The following NALF1 variants were observed in gnomAD, a reference collection of about 807,000 sequenced individuals.
NALF1 encodes NALCN channel auxiliary factor 1.
A neutral mutation model predicts 48.4 loss-of-function variants in NALF1; 3 were observed. The observed-to-expected ratio is 0.06, with a 90% confidence interval of 0.03 to 0.16. The LOEUF is 0.16. Ranked by LOEUF, NALF1 falls within the 10% of genes least tolerant of loss-of-function variation. The pLI is 1.00. For synonymous variants in NALF1, 262 were observed against 245.7 expected, an observed-to-expected ratio of 1.07 and a Z score of -0.62; for missense variants, 526 against 571.5, an observed-to-expected ratio of 0.92 and a Z score of 0.81.
At chr13:107,412,925 G>C (rs746206594) in intron 1 of NALF1, among the ~76,000 whole-genome samples, 1 of 152,144 alleles carries the variant, frequency 6.6e-6, no homozygotes, top group Non-Finnish European at 1.5e-5. Context: ...TGGAGGTAGA[G>C]TATTGCCTTG....
chr13:107,341,461 T>C (rs1049824609), intron 1 of NALF1, among the ~76,000 whole-genome samples: 7 of 152,096 alleles, frequency 4.6e-5, no homozygotes, highest in Non-Finnish European at 7.4e-5. Context: ...GGATTCCTAC[T>C]ATGCTACTTG....
At chr13:107,763,043 T>C (rs999036114) in intron 1 of NALF1, among the ~76,000 whole-genome samples, 2 of 107,680 alleles carry the variant, frequency 1.9e-5, no homozygotes, top group African/African-American at 7.0e-5. Flanking sequence ...TTTGATACCT[T>C]TTTTTTTTTC....
intron 1 of NALF1, among the ~76,000 whole-genome samples, chr13:107,489,851 G>T (rs1004480060): frequency 6.6e-6 from 1 of 151,316 alleles, no homozygotes; most frequent in African/African-American, 2.4e-5. Flanking sequence ...TCTGACAAAG[G>T]TCTAATATCC....
intron 1 of NALF1, among the ~76,000 whole-genome samples, chr13:107,307,393 T>A (rs1353061207): frequency 6.6e-6 from 1 of 152,182 alleles, no homozygotes; most frequent in Non-Finnish European, 1.5e-5. Context: ...CATCCCTGAA[T>A]TAGGCAGAAA....
At chr13:107,446,096 G>A (rs1422117483) in intron 1 of NALF1, among the ~76,000 whole-genome samples, 2 of 151,918 alleles carry the variant, frequency 1.3e-5, no homozygotes, top group African/African-American at 4.8e-5. Flanking sequence ...ACGCCACCAT[G>A]CCCAGCTAAT....
At chr13:107,253,034 A>G (rs1429556663) in intron 1 of NALF1, among the ~76,000 whole-genome samples, 3 of 152,228 alleles carry the variant, frequency 2.0e-5, no homozygotes, top group Non-Finnish European at 4.4e-5. Context: ...ATTTAATGAC[A>G]TAGTTATGAA....
At chr13:107,708,296 A>G (rs939275325) in intron 1 of NALF1, among the ~76,000 whole-genome samples, 1 of 152,152 alleles carries the variant, frequency 6.6e-6, no homozygotes, top group African/African-American at 2.4e-5. Flanking sequence ...TTTCAGCCAT[A>G]ATTATACTTA....
chr13:107,308,199 C>CTTTTTTTT (rs772161115), intron 1 of NALF1, among the ~76,000 whole-genome samples: 3 of 98,182 alleles, frequency 3.1e-5, no homozygotes, highest in Admixed American at 1.3e-4. Context: ...TGTGTCTATG[C>CTTTTTTTT]TTTTTTTTTT....
At chr13:107,731,631 C>T (rs986375178) in intron 1 of NALF1, among the ~76,000 whole-genome samples, 8 of 152,156 alleles carry the variant, frequency 5.3e-5, no homozygotes. Context: ...TTATCTCCCA[C>T]TTATAAGTGA....
At chr13:107,760,258 C>G (rs886599551) in intron 1 of NALF1, among the ~76,000 whole-genome samples, 1 of 151,936 alleles carries the variant, frequency 6.6e-6, no homozygotes, top group Non-Finnish European at 1.5e-5. Context: ...GAACTCTGGA[C>G]GCCTAAGGAG....
chr13:107,435,404 A>C (rs1884448094), intron 1 of NALF1, among the ~76,000 whole-genome samples: 1 of 151,982 alleles, frequency 6.6e-6, no homozygotes, highest in African/African-American at 2.4e-5. Context: ...GTTTTCCTTC[A>C]TTAAATTAAT....
intron 1 of NALF1, among the ~76,000 whole-genome samples, chr13:107,416,377 C>A (rs1884089304): frequency 6.6e-6 from 1 of 151,904 alleles, no homozygotes; most frequent in Non-Finnish European, 1.5e-5. Context: ...GTGTCCTCTT[C>A]TACCTCTTCC....
intron 1 of NALF1, among the ~76,000 whole-genome samples, chr13:107,432,420 C>G (rs1390725223): frequency 1.3e-5 from 2 of 152,196 alleles, no homozygotes; most frequent in Non-Finnish European, 2.9e-5. Context: ...GCCTCTCAAC[C>G]TTGGCTATAT....
chr13:107,840,491 C>T (rs755308191), intron 1 of NALF1, among the ~76,000 whole-genome samples: 1 of 152,190 alleles, frequency 6.6e-6, no homozygotes, highest in African/African-American at 2.4e-5. Context: ...GAACATTACA[C>T]TTGCATTTCA....
At chr13:107,638,988 C>T (rs1251086443) in intron 1 of NALF1, among the ~76,000 whole-genome samples, 1 of 151,990 alleles carries the variant, frequency 6.6e-6, no homozygotes, top group African/African-American at 2.4e-5. Flanking sequence ...CATGTAAATG[C>T]TTTTCATCAA....
chr13:107,407,571 C>T (rs1883920998), intron 1 of NALF1, among the ~76,000 whole-genome samples: 1 of 151,974 alleles, frequency 6.6e-6, no homozygotes, highest in African/African-American at 2.4e-5. Context: ...TTATCTTACC[C>T]CAGTTAAAAT....
intron 1 of NALF1, among the ~76,000 whole-genome samples, chr13:107,437,236 T>C (rs552827544): frequency 2.0e-5 from 3 of 152,270 alleles, no homozygotes; most frequent in African/African-American, 7.2e-5. Flanking sequence ...CAAAAACGAA[T>C]ACCACCAAAA....
chr13:107,705,191 C>T (rs1881917411), intron 1 of NALF1, among the ~76,000 whole-genome samples: 1 of 152,136 alleles, frequency 6.6e-6, no homozygotes, highest in African/African-American at 2.4e-5. Flanking sequence ...TTGGTGGGAA[C>T]AAGACCCAAA....
intron 1 of NALF1, among the ~76,000 whole-genome samples, chr13:107,375,945 TAC>T (rs1022759675): frequency 2.7e-5 from 4 of 148,240 alleles, no homozygotes; most frequent in African/African-American, 9.9e-5. Context: ...CACACACACA[TAC>T]ACACACACAC....
Sources: gnomAD v4.1 joint callset for allele counts (sites outside exome capture counted in the v4.1 genomes callset) on GRCh38, gnomAD v4.1.1 for gene constraint, MANE v1.5 for transcripts, NCBI Gene and HGNC (gene_info 2026-07-23, HGNC 2026-07-21) for gene names.